The following BMERB1 variants were observed in gnomAD, a reference collection of about 807,000 sequenced individuals.
BMERB1 encodes bMERB domain containing 1.
BMERB1 carries 12 observed loss-of-function variants against 23.6 expected under a neutral mutation model. The ratio of observed to expected loss-of-function variants is 0.51; its 90% CI spans 0.33 to 0.82. The LOEUF is 0.82. BMERB1 is among the 40% of genes least tolerant of loss of function. The pLI is 0.03. For missense variants in BMERB1, 247 were observed against 255.4 expected (o/e 0.97, Z 0.22); for synonymous variants, 122 against 96.6 (o/e 1.26, Z -1.54).
At chr16:15,552,990 A>G (rs2030139198) in intron 2 of BMERB1, among the ~76,000 whole-genome samples, 1 of 152,122 alleles carries the variant, frequency 6.6e-6, no homozygotes, top group South Asian at 2.1e-4. Context: ...CCTGAGCAAC[A>G]TAGTGAGACC....
intron 1 of BMERB1, among the ~76,000 whole-genome samples, chr16:15,440,910 A>G (rs1216201811): frequency 6.6e-6 from 1 of 152,210 alleles, no homozygotes; most frequent in African/African-American, 2.4e-5. Context: ...GGGCATTAAT[A>G]GGGAAGGGGT....
At chr16:15,501,240 G>C (rs2051526496) in intron 1 of BMERB1, among the ~76,000 whole-genome samples, 2 of 150,008 alleles carry the variant, frequency 1.3e-5, no homozygotes. Context: ...TCAGCCTCCA[G>C]AGTAGCTGAG....
intron 2 of BMERB1, among the ~76,000 whole-genome samples, chr16:15,533,300 GGTT>G (rs1416713636): frequency 6.6e-6 from 1 of 152,092 alleles, no homozygotes; most frequent in Non-Finnish European, 1.5e-5. Flanking sequence ...TCCATGTCAA[GGTT>G]GTTGAAACGA....
intron 1 of BMERB1, among the ~76,000 whole-genome samples, chr16:15,499,503 C>T (rs1868318297): frequency 6.6e-6 from 1 of 152,170 alleles, no homozygotes; most frequent in Non-Finnish European, 1.5e-5. Flanking sequence ...TCTTGGACTT[C>T]TATGAGGTCA....
intron 1 of BMERB1, among the ~76,000 whole-genome samples, chr16:15,439,446 G>T (rs1187182362): frequency 1.3e-5 from 2 of 152,184 alleles, no homozygotes; most frequent in Non-Finnish European, 2.9e-5. Context: ...GAGGACAGAA[G>T]GGGATTGCCC....
chr16:15,483,094 TCCTG>T (rs1415791653), intron 1 of BMERB1, among the ~76,000 whole-genome samples: 1 of 152,242 alleles, frequency 6.6e-6, no homozygotes, highest in Non-Finnish European at 1.5e-5. Context: ...CTTTCCCATA[TCCTG>T]CCTTTTTCAC....
intron 1 of BMERB1, among the ~76,000 whole-genome samples, chr16:15,492,963 AC>A (rs2051436590): frequency 6.6e-6 from 1 of 152,058 alleles, no homozygotes. Context: ...ATGGTGACTT[AC>A]CTCTGCAGTC....
At chr16:15,476,543 T>C (rs2051276476) in intron 1 of BMERB1, among the ~76,000 whole-genome samples, 1 of 152,096 alleles carries the variant, frequency 6.6e-6, no homozygotes. Context: ...CCAGTGTAGG[T>C]GGAAAATGCA....
intron 1 of BMERB1, among the ~76,000 whole-genome samples, chr16:15,481,739 TGA>T (rs2051322263): frequency 6.6e-6 from 1 of 151,720 alleles, no homozygotes; most frequent in African/African-American, 2.4e-5. Flanking sequence ...TTTTTTTTTT[TGA>T]GATGGAGTCT....
intron 1 of BMERB1, among the ~76,000 whole-genome samples, chr16:15,475,343 T>C (rs2051265903): frequency 6.6e-6 from 1 of 152,142 alleles, no homozygotes; most frequent in African/African-American, 2.4e-5. Context: ...AAGACCACTC[T>C]CACTTCTGAC....
chr16:15,518,890 G>C (rs2051812267), intron 2 of BMERB1, among the ~76,000 whole-genome samples: 1 of 151,906 alleles, frequency 6.6e-6, no homozygotes, highest in Non-Finnish European at 1.5e-5. Flanking sequence ...AGGAAGCTTT[G>C]AGTATAAACT....
At chr16:15,488,761 T>G (rs2051389361) in intron 1 of BMERB1, among the ~76,000 whole-genome samples, 1 of 147,292 alleles carries the variant, frequency 6.8e-6, no homozygotes, top group South Asian at 2.1e-4. Flanking sequence ...GAGAATGGCG[T>G]GAACCGAGAT....
chr16:15,509,868 G>A (rs1178844462), intron 1 of BMERB1, among the ~76,000 whole-genome samples: 3 of 152,172 alleles, frequency 2.0e-5, no homozygotes, highest in Non-Finnish European at 2.9e-5. Flanking sequence ...CTTTGCAGGG[G>A]TAATTCAGAT....
chr16:15,585,385 A>C (rs2031115526), intron 5 of BMERB1, among the ~76,000 whole-genome samples: 1 of 152,194 alleles, frequency 6.6e-6, no homozygotes, highest in South Asian at 2.1e-4. Context: ...TTCCAAGTTG[A>C]AAAATAAAAA....
intron 2 of BMERB1, among the ~76,000 whole-genome samples, chr16:15,558,469 A>T (rs1262180525): frequency 6.6e-6 from 1 of 152,004 alleles, no homozygotes; most frequent in African/African-American, 2.4e-5. Context: ...CAGCATTAGC[A>T]TGATCTCGGG....
At chr16:15,505,229 G>T (rs2051574875) in intron 1 of BMERB1, among the ~76,000 whole-genome samples, 1 of 152,168 alleles carries the variant, frequency 6.6e-6, no homozygotes, top group Non-Finnish European at 1.5e-5. Context: ...CTACAACAGG[G>T]GATGGGATAG....
chr16:15,470,545 T>C (rs78795782), intron 1 of BMERB1, among the ~76,000 whole-genome samples: 7 of 144,668 alleles, frequency 4.8e-5, no homozygotes, highest in South Asian at 2.2e-4. Context: ...TTTTTTTTTT[T>C]AGACAGAGTC....
intron 1 of BMERB1, among the ~76,000 whole-genome samples, chr16:15,456,598 A>G (rs1177804227): frequency 6.6e-6 from 1 of 152,042 alleles, no homozygotes; most frequent in African/African-American, 2.4e-5. Context: ...TCAGCCTCCC[A>G]AAATGCTGGG....
chr16:15,577,849 C>T (rs1276182239), intron 3 of BMERB1, among the ~76,000 whole-genome samples: 1 of 152,224 alleles, frequency 6.6e-6, no homozygotes, highest in Admixed American at 6.5e-5. Flanking sequence ...AGGTCATATA[C>T]CAGTTAGACT....
Sources: allele counts gnomAD v4.1 joint callset (sites outside exome capture counted in the v4.1 genomes callset), GRCh38; gene constraint gnomAD v4.1.1; transcripts MANE v1.5; gene names NCBI Gene and HGNC (gene_info 2026-07-23, HGNC 2026-07-21).